PCDH15: variants seen among roughly 807,000 people sequenced by gnomAD.
The protein encoded by PCDH15 is protocadherin-15.
A neutral mutation model predicts 178.5 loss-of-function variants in PCDH15; 129 were observed. The observed-to-expected ratio is 0.72, with a 90% confidence interval of 0.63 to 0.84. The LOEUF is 0.84. PCDH15 is among the 40% of genes least tolerant of loss of function. The pLI, the probability that PCDH15 is intolerant of heterozygous loss-of-function variation, is 0.00. For missense variants in PCDH15, 2,230 were observed against 2,099.9 expected (o/e 1.06, Z -1.21); for synonymous variants, 800 against 732.0 (o/e 1.09, Z -1.50).
chr10:55,279,743 G>T (rs1842680624), intron 1 of PCDH15, among the ~76,000 whole-genome samples: 1 of 152,074 alleles, frequency 6.6e-6, no homozygotes, highest in Non-Finnish European at 1.5e-5. Flanking sequence ...CCCTGGATTG[G>T]TTGTACGATT....
chr10:54,408,291 C>T (rs1952974233), intron 3 of PCDH15, among the ~76,000 whole-genome samples: 1 of 151,822 alleles, frequency 6.6e-6, no homozygotes. Context: ...CTTAAAAGTA[C>T]TATCTTTGAA....
chr10:54,789,097 T>C (rs1392049957), intron 1 of PCDH15, among the ~76,000 whole-genome samples: 1 of 151,900 alleles, frequency 6.6e-6, no homozygotes, highest in Non-Finnish European at 1.5e-5. Flanking sequence ...ACGTCTAATA[T>C]AGTGAATGGC....
intron 2 of PCDH15, among the ~76,000 whole-genome samples, chr10:55,129,085 A>T (rs1187507232): frequency 3.3e-5 from 5 of 152,094 alleles, no homozygotes; most frequent in Non-Finnish European, 7.4e-5. Flanking sequence ...ATAGGATAGG[A>T]TCTCTGAATT....
rs2054045367 is a variant in PCDH15 at position 54,231,351 on chromosome 10, G to A, written c.985+5472C>T. Among the ~76,000 whole-genome samples, 3 of 152,204 alleles carry A rather than the reference G, an allele frequency of 2.0e-5. No homozygotes were observed. The South Asian group carries it at 6.2e-4, about 32-fold the overall frequency. On this transcript the variant is annotated intron_variant, in intron 9 of 37. Transcript: ENST00000644397. ...GATGTTAAACCTGTGGACACACAGA[G>A]GGCAATGGTTGAGGCTTGGAAGCCT...
chr10:54,739,732 T>G (rs756109194), intron 1 of PCDH15, among the ~76,000 whole-genome samples: 11 of 151,888 alleles, frequency 7.2e-5, no homozygotes, highest in African/African-American at 1.4e-4. Flanking sequence ...AATAAATCCA[T>G]GCATTTTCAG....
chr10:54,024,903 A>G (rs2093036352), intron 18 of PCDH15, among the ~76,000 whole-genome samples: 1 of 152,192 alleles, frequency 6.6e-6, no homozygotes, highest in Admixed American at 6.5e-5. Flanking sequence ...TCAAGTAAAT[A>G]GATAAAATTG....
intron 15 of PCDH15, 126 bp downstream of exon 15, chr10:54,132,749 A>T: frequency 6.8e-7 from 1 of 1,472,044 alleles, no homozygotes; most frequent in Non-Finnish European, 9.2e-7. Context: ...TGGAATTTTC[A>T]TTCACTAGAG....
At chr10:54,347,560 A>G (rs1427714801) in intron 5 of PCDH15, among the ~76,000 whole-genome samples, 1 of 152,122 alleles carries the variant, frequency 6.6e-6, no homozygotes, top group Non-Finnish European at 1.5e-5. Context: ...TTAAGAGGCA[A>G]CAAAAAAGTT....
chr10:55,052,191 C>A (rs1246257606), intron 2 of PCDH15, among the ~76,000 whole-genome samples: 10 of 151,458 alleles, frequency 6.6e-5, no homozygotes, highest in Admixed American at 5.9e-4. Context: ...GGGTTCAAGC[C>A]ATTCTCCTGC....
chr10:55,582,622 ATATATAT>A (rs1436558932), intron 2 of PCDH15, among the ~76,000 whole-genome samples: 1 of 74,304 alleles, frequency 1.3e-5, no homozygotes, highest in African/African-American at 6.2e-5. Context: ...ATATATATAT[ATATATAT>A]TTTTTTTTTT....
In PCDH15 at chr10:53,968,874, G is replaced by A. The variant is rs7476911; in HGVS notation, c.2869-6982C>T. Among the ~76,000 whole-genome samples the A allele has an allele frequency of 5.4e-3, 827 of 152,146 alleles. 7 individuals are homozygous for A. Among genetic ancestry groups the A allele is most frequent in the African/African-American group, 0.019 (771 of 41,512 alleles). ...TACATCACCATCATCAAAGACCAAAGGTAGATAAAACCACAAAGATGGGGA... is the reference window on the plus strand; with the variant it reads ...TACATCACCATCATCAAAGACCAAAAGTAGATAAAACCACAAAGATGGGGA... On this transcript the variant is annotated intron_variant, in intron 21 of 37. Coordinates refer to ENST00000644397, the MANE Select transcript of PCDH15 (RefSeq NM_001384140.1).
intron 2 of PCDH15, among the ~76,000 whole-genome samples, chr10:54,536,429 T>G (rs2084530235): frequency 6.6e-6 from 1 of 152,152 alleles, no homozygotes; most frequent in African/African-American, 2.4e-5. Context: ...TTTTTAACAT[T>G]CAAAGGAAAA....
chr10:55,534,087 T>C (rs563724996), intron 2 of PCDH15, among the ~76,000 whole-genome samples: 16 of 152,108 alleles, frequency 1.1e-4, no homozygotes, highest in South Asian at 6.2e-4. Flanking sequence ...TAACTCAAGA[T>C]GGATTAAAGA....
At chr10:54,586,967 T>C (rs1213322229) in intron 2 of PCDH15, among the ~76,000 whole-genome samples, 5 of 152,172 alleles carry the variant, frequency 3.3e-5, no homozygotes, top group African/African-American at 1.2e-4. Context: ...TCAGTACATA[T>C]TTTTGCTTTT....
intron 2 of PCDH15, among the ~76,000 whole-genome samples, chr10:55,414,125 T>TA (rs1838416526): frequency 6.6e-6 from 1 of 151,680 alleles, no homozygotes; most frequent in Admixed American, 6.6e-5. Flanking sequence ...TATTTAATTT[T>TA]AAAATCATAA....
rs898946951 is a variant in PCDH15, at chr10:54,219,418, A to G, written c.986-5370T>C. On this transcript the variant is annotated intron_variant, in intron 9 of 37. Transcript: ENST00000644397. ...ATCCTGGCTAACACGGTGACACCCCATCTCTACTAAAAATACAAAAAAAAA... is the reference window on the plus strand; with the variant it reads ...ATCCTGGCTAACACGGTGACACCCCGTCTCTACTAAAAATACAAAAAAAAA... 9.5e-3 allele frequency among the ~76,000 whole-genome samples: 1,437 copies of G among 150,744 alleles called. 20 individuals are homozygous for G. The highest frequency in any genetic ancestry group is 0.03 in the African/African-American group (1,239 of 41,000).
Position 53,827,454 on chromosome 10 carries a change from G to A in PCDH15, c.4306C>T (p.Pro1436Ser), listed in dbSNP as rs765570619. 3.1e-6 allele frequency: 5 copies of A among 1,613,674 alleles called. No homozygotes were observed. The highest frequency in any genetic ancestry group is 1.1e-5 in the South Asian group (1 of 91,078). ...CCTGGCGGAGGCGGCGGCGGCGGCG[G>A]GGGCGCTGCCACTGGTGCAGGAGCC... ...VPAPAPVAAP[P>S]PPPPPPPGAH... The change falls in exon 32 of 38, where the codon CCG becomes TCG. Residue 1436 changes from proline to serine, a missense_variant. Pro to Ser is a moderately conservative substitution (Grantham distance 74, BLOSUM62 -1). Transcript: ENST00000644397.
At chr10:55,114,173 G>A (rs991303825) in intron 2 of PCDH15, among the ~76,000 whole-genome samples, 3 of 152,026 alleles carry the variant, frequency 2.0e-5, no homozygotes, top group African/African-American at 4.8e-5. Flanking sequence ...GGATGGTCTC[G>A]ATCTCCTGAC....
At chr10:55,581,016 A>G (rs1016588702) in intron 2 of PCDH15, among the ~76,000 whole-genome samples, 1 of 152,326 alleles carries the variant, frequency 6.6e-6, no homozygotes, top group African/African-American at 2.4e-5. Context: ...TTCTCTGAAG[A>G]TGCAACTTAA....
Sources: allele counts gnomAD v4.1 joint callset (sites outside exome capture counted in the v4.1 genomes callset), GRCh38; gene constraint gnomAD v4.1.1; transcripts MANE v1.5; gene names NCBI Gene and HGNC (gene_info 2026-07-23, HGNC 2026-07-21).